The following DDX27 variants were observed in gnomAD, a reference collection of about 807,000 sequenced individuals.
The protein encoded by DDX27 is DEAD-box helicase 27.
A neutral mutation model predicts 99.3 loss-of-function variants in DDX27; 42 were observed. The observed-to-expected ratio is 0.42, with a 90% CI of 0.33 to 0.55. The LOEUF is 0.55. Among genes scored for constraint, DDX27 ranks in the 20% least tolerant of loss-of-function variants. The probability of loss-of-function intolerance (pLI) is 0.07; values close to 1 mark genes in which losing one functional copy is unlikely to be tolerated. For synonymous variants in DDX27, 329 were observed against 353.8 expected (o/e 0.93, Z 0.79); for missense variants, 798 against 976.8 (o/e 0.82, Z 2.44).
Position 49,230,593 on chromosome 20 carries a change from A to G in DDX27, c.1031+244A>G, listed in dbSNP as rs112110459. On this transcript the variant is annotated intron_variant, in intron 9 of 20. Coordinates refer to ENST00000618172, the MANE Select transcript of DDX27 (RefSeq NM_017895.8). ...TCAAATGTTGGTCCTGCCACTTCCTAAGGGAGATTTGGAAATATTTAGATT... is the reference window on the plus strand; with the variant it reads ...TCAAATGTTGGTCCTGCCACTTCCTGAGGGAGATTTGGAAATATTTAGATT... Among the ~76,000 whole-genome samples, 1,260 of 152,286 alleles carry G rather than the reference A, an allele frequency of 8.3e-3. 23 individuals carry two copies. The highest frequency in any genetic ancestry group is 0.028 in the African/African-American group (1,164 of 41,556).
At position 49,243,927 on chromosome 20, in the gene DDX27, TA is replaced by T. The variant is rs142292900; in HGVS notation, c.*103del. 8.1e-4 allele frequency: 1,066 copies of T among 1,323,286 alleles called. No homozygotes were observed. The highest frequency in any genetic ancestry group is 1.5e-3 in the Middle Eastern group (7 of 4,654). The allele number at this position is 1,323,286 out of a possible 1,614,324, so 82.0% of individuals were successfully genotyped here. On this transcript the variant is annotated 3_prime_UTR_variant, in exon 21 of 21. Coordinates refer to ENST00000618172, the MANE Select transcript of DDX27 (RefSeq NM_017895.8). ...CTGGTCTGTCTTTTCTCCATTTGTT[TA>T]AAAAAAAAACAAAAACAAAAAACAA...
intron 2 of DDX27, among the ~76,000 whole-genome samples, 172 bp downstream of exon 2, chr20:49,221,770 TG>T (rs1450694353): frequency 6.6e-6 from 1 of 151,604 alleles, no homozygotes; most frequent in Admixed American, 6.6e-5. Flanking sequence ...GGTATACTTT[TG>T]ATGAGATGGG....
Position 49,241,904 on chromosome 20 carries a change from C to G in DDX27, c.1909C>G (p.Leu637Val). ...ERKKEKIAKA[L>V]QEFDLALRGK... ...TCTTCTCATCCCAGTTGCCAAAGCT[C>G]TGCAGGAATTTGACTTGGCCTTAAG... is the stretch of plus-strand genomic sequence containing the variant. The change falls in exon 17 of 21, where the codon CTG becomes GTG. Residue 637 changes from leucine (L) to valine (V), a missense_variant. Coordinates refer to ENST00000618172, the MANE Select transcript of DDX27 (RefSeq NM_017895.8). 1 of 1,614,172 alleles carries G rather than the reference C, an allele frequency of 6.2e-7. No homozygotes were observed. Among genetic ancestry groups the G allele is most frequent in the Non-Finnish European group, 8.5e-7 (1 of 1,180,028 alleles).
At position 49,236,991 on chromosome 20, in the gene DDX27, G is replaced by T. The variant is rs1057265017; in HGVS notation, c.1687+481G>T. On this transcript the variant is annotated intron_variant, in intron 14 of 20. Coordinates refer to ENST00000618172, the MANE Select transcript of DDX27 (RefSeq NM_017895.8). This position sits in a 1 kb window ranked among gnomAD's most constrained non-coding sequence, Gnocchi z 4.1. ...GCCTCCCAAAGTGCCGGGATTAACA[G>T]TAATGAGCCACCATGCCCAGCCTTA... Among the ~76,000 whole-genome samples the T allele has an allele frequency of 3.3e-5, 5 of 152,128 alleles. No individual in the cohort carries two copies. The highest frequency in any genetic ancestry group is 5.9e-5 in the Non-Finnish European group (4 of 68,022).
chr20:49,242,434 C>CTGAG (rs1055792162), intron 18 of DDX27, among the ~76,000 whole-genome samples, 160 bp from the exon 19 acceptor site: 4 of 152,132 alleles, frequency 2.6e-5, no homozygotes, highest in African/African-American at 9.7e-5. Flanking sequence ...GAGCCTAAGG[C>CTGAG]CTCACCAGCT....
intron 14 of DDX27, chr20:49,238,634 AT>A (rs1226587713): frequency 1.6e-5 from 5 of 303,302 alleles, no homozygotes; most frequent in Non-Finnish European, 3.1e-5. Flanking sequence ...CACCCAGCTG[AT>A]TTTTGTATTT....
intron 14 of DDX27, among the ~76,000 whole-genome samples, chr20:49,237,203 G>A (rs1980335981): frequency 6.6e-6 from 1 of 152,062 alleles, no homozygotes; most frequent in Admixed American, 6.6e-5. Flanking sequence ...GGTGGTGTGT[G>A]CCTGTAGTCC....
Position 49,233,549 on chromosome 20 carries a change from C to G in DDX27, c.1132-19C>G. On this transcript the variant is annotated intron_variant, in intron 10 of 20. Transcript: ENST00000618172. ...CCACCTTGCAGAGAGCTGAGGAAAC[C>G]TGGCTTTGTGCTTGGCAGGTGAAAG... 1.2e-6 allele frequency: 2 copies of G among 1,608,786 alleles called. No individual in the cohort carries two copies. Among genetic ancestry groups the G allele is most frequent in the South Asian group, 2.2e-5 (2 of 91,026 alleles).
intron 4 of DDX27, among the ~76,000 whole-genome samples, chr20:49,224,551 T>C (rs1979808045): frequency 6.6e-6 from 1 of 152,026 alleles, no homozygotes; most frequent in Non-Finnish European, 1.5e-5. Flanking sequence ...TTAGTAGAGA[T>C]GGGGTTTCAC....
At position 49,241,932 on chromosome 20, in the gene DDX27, G is replaced by A. The variant is rs770721808; in HGVS notation, c.1937G>A (p.Gly646Glu). The change falls in exon 17 of 21, where the codon GGA (glycine) becomes GAA (glutamate). Residue 646 changes from glycine (G) to glutamate (E), a missense_variant. By Grantham distance (98) the Gly-to-Glu change is moderately conservative. Around this residue, in one of 2 missense-constraint regions of DDX27, gnomAD observed 553 missense variants for 727.9 expected, o/e 0.76. Coordinates refer to ENST00000618172, the MANE Select transcript of DDX27 (RefSeq NM_017895.8). Reference sequence around the variant, plus strand: ...CAGGAATTTGACTTGGCCTTAAGAGGAAAGAAGAAAAGGAAGAAGTTTATG... The same window carrying A: ...CAGGAATTTGACTTGGCCTTAAGAGAAAAGAAGAAAAGGAAGAAGTTTATG... Reference protein sequence around the residue: ...ALQEFDLALRGKKKRKKFMKD... With the variant: ...ALQEFDLALREKKKRKKFMKD... 1 of 1,614,146 alleles carries A rather than the reference G, an allele frequency of 6.2e-7. No individual in the cohort carries two copies. The highest frequency in any genetic ancestry group is 8.5e-7 in the Non-Finnish European group (1 of 1,180,032).
At chr20:49,232,925 A>AG (rs1980171760) in intron 9 of DDX27, 2 of 49,836 alleles carry the variant, frequency 4.0e-5, no homozygotes, top group Non-Finnish European at 1.3e-4. Flanking sequence ...ACTCCATCTC[A>AG]AAAAAAAAAA....
At chr20:49,223,179 T>G in intron 3 of DDX27, 89 bp from the exon 4 acceptor site, 2 of 1,448,084 alleles carry the variant, frequency 1.4e-6, no homozygotes, top group Non-Finnish European at 1.9e-6. Flanking sequence ...CCACAGCCGT[T>G]CATTCAGGCC....
Position 49,223,336 on chromosome 20 carries a change from G to A in DDX27, c.369G>A (p.Glu123=), listed in dbSNP as rs1979760730. The A allele has an allele frequency of 6.2e-7, 1 of 1,614,096 alleles. No homozygotes were observed. Among genetic ancestry groups the A allele is most frequent in the Non-Finnish European group, 8.5e-7 (1 of 1,180,014 alleles). Residue 123 remains glutamate, a synonymous_variant, in exon 4 of 21, where the codon GAG becomes GAA. Transcript: ENST00000618172. ...KEAKEGSEPK[E]QEDLQENDEE... is the part of the protein sequence containing the mutation. ...CAAAGGAAGGCTCTGAACCAAAGGA[G>A]CAGGAAGACCTTCAAGAGAATGATG...
At chr20:49,219,662 T>C in intron 1 of DDX27, 121 bp downstream of exon 1, 1 of 1,064,882 alleles carries the variant, frequency 9.4e-7, no homozygotes, top group Non-Finnish European at 1.3e-6. Flanking sequence ...CCGAAAAGGA[T>C]CTCACCGGGA....
At chr20:49,224,727 C>A (rs906085290) in intron 4 of DDX27, 13 of 588,072 alleles carry the variant, frequency 2.2e-5, no homozygotes, top group Non-Finnish European at 3.9e-5. Context: ...GGTCGAGAGC[C>A]TGGTCTCTGG....
In DDX27 at chr20:49,243,950, A is replaced by G. The variant is rs762750993; in HGVS notation, c.*116A>G. 106 of 1,304,506 alleles carry G rather than the reference A, an allele frequency of 8.1e-5. No individual in the cohort carries two copies. Among genetic ancestry groups the G allele is most frequent in the Non-Finnish European group, 1.0e-4 (94 of 936,652 alleles). 80.8% of individuals were successfully genotyped at this position (1,304,506 alleles called of 1,614,324 possible). A position where few individuals can be genotyped will look rare whatever the true frequency, so the allele number is the denominator to read the frequency against. On this transcript the variant is annotated 3_prime_UTR_variant, in exon 21 of 21. Coordinates refer to ENST00000618172, the MANE Select transcript of DDX27 (RefSeq NM_017895.8). ...TTTAAAAAAAAAACAAAAACAAAAA[A>G]CAACACTTTGGTGTGGTGGTATGGT...
chr20:49,228,430 C>T (rs929672349), intron 7 of DDX27, among the ~76,000 whole-genome samples: 1 of 150,920 alleles, frequency 6.6e-6, no homozygotes, highest in African/African-American at 2.4e-5. Context: ...GCCACCATGC[C>T]CAGCTAAGTT....
intron 15 of DDX27, 74 bp downstream of exon 15, chr20:49,239,129 C>G: frequency 1.3e-6 from 2 of 1,515,344 alleles, no homozygotes; most frequent in Non-Finnish European, 1.8e-6. Context: ...CTGGTGCTGC[C>G]CTTCTGAAAT....
intron 6 of DDX27, among the ~76,000 whole-genome samples, chr20:49,225,572 C>T (rs1979856485): frequency 6.6e-6 from 1 of 151,238 alleles, no homozygotes; most frequent in African/African-American, 2.4e-5. Context: ...TCTCCTGCCT[C>T]AGCCTCCCCA....
Sources: gnomAD v4.1 joint callset for allele counts (sites outside exome capture counted in the v4.1 genomes callset) on GRCh38, gnomAD v4.1.1 for gene constraint, gnomAD v4.1.1 regional missense constraint, Gnocchi (gnomAD v3.1) non-coding constraint, MANE v1.5 for transcripts, NCBI Gene and HGNC (gene_info 2026-07-23, HGNC 2026-07-21) for gene names.